Variants in DCAF5 observed in about 807,000 individuals in gnomAD.
The protein encoded by DCAF5 is DDB1- and CUL4-associated factor 5.
In DCAF5, 9 loss-of-function variants were observed where a neutral mutation model predicts 80.7. The observed-to-expected ratio is 0.11, with a 90% CI of 0.07 to 0.19. The LOEUF is 0.19. DCAF5 is among the 10% of genes least tolerant of loss of function. The probability of loss-of-function intolerance (pLI) is 1.00; values close to 1 mark genes in which losing one functional copy is unlikely to be tolerated. For missense variants in DCAF5, 842 were observed against 1,205.7 expected, an observed-to-expected ratio of 0.70 and a Z score of 4.47; for synonymous variants, 433 against 461.9, an observed-to-expected ratio of 0.94 and a Z score of 0.80.
intron 8 of DCAF5, among the ~76,000 whole-genome samples, chr14:69,061,740 G>A (rs1566721845): frequency 6.6e-6 from 1 of 152,218 alleles, no homozygotes; most frequent in Non-Finnish European, 1.5e-5. Flanking sequence ...CTAACCTCCA[G>A]ATGAGGTTTG....
At chr14:69,143,489 G>T (rs1448915544) in intron 1 of DCAF5, among the ~76,000 whole-genome samples, 1 of 148,678 alleles carries the variant, frequency 6.7e-6, no homozygotes, top group Non-Finnish European at 1.5e-5. Flanking sequence ...CACATGAAAT[G>T]CCCCCAAATA....
intron 1 of DCAF5, among the ~76,000 whole-genome samples, chr14:69,139,543 GTGCCTCATATC>G (rs984994601): frequency 6.6e-6 from 1 of 151,488 alleles, no homozygotes; most frequent in Non-Finnish European, 1.5e-5. Context: ...CTTGGGCATG[GTGCCTCATATC>G]TGTAATCCCA....
chr14:69,056,992 G>A (rs1372647830), intron 8 of DCAF5, among the ~76,000 whole-genome samples: 2 of 152,132 alleles, frequency 1.3e-5, no homozygotes, highest in Non-Finnish European at 1.5e-5. Context: ...AGTTTCAAGG[G>A]ATTGGTTTTC....
intron 7 of DCAF5, among the ~76,000 whole-genome samples, chr14:69,065,192 G>C (rs2038388027): frequency 6.9e-6 from 1 of 145,202 alleles, no homozygotes; most frequent in Non-Finnish European, 1.5e-5. Context: ...CCACCTCCCA[G>C]GTTCAAGCAA....
chr14:69,128,480 A>G (rs1595046753), intron 1 of DCAF5, among the ~76,000 whole-genome samples: 1 of 152,280 alleles, frequency 6.6e-6, no homozygotes, highest in East Asian at 1.9e-4. Context: ...GCCTGGCTGA[A>G]TATTTCCATA....
At chr14:69,074,403 G>T (rs2038819835) in intron 7 of DCAF5, among the ~76,000 whole-genome samples, 1 of 151,966 alleles carries the variant, frequency 6.6e-6, no homozygotes, top group Admixed American at 6.6e-5. Context: ...CTAAGAAAAA[G>T]AAAAGGGGGG....
intron 1 of DCAF5, among the ~76,000 whole-genome samples, chr14:69,150,351 G>C (rs898845231): frequency 5.9e-5 from 9 of 152,102 alleles, no homozygotes; most frequent in African/African-American, 2.2e-4. Flanking sequence ...ACCCAGAATC[G>C]AAAGGTCTGC....
intron 1 of DCAF5, among the ~76,000 whole-genome samples, chr14:69,129,351 C>T (rs2040970511): frequency 6.6e-6 from 1 of 152,166 alleles, no homozygotes; most frequent in Non-Finnish European, 1.5e-5. Flanking sequence ...GTATTAAGAG[C>T]CCTATGCAAA....
At chr14:69,085,136 C>T in intron 6 of DCAF5, 1 of 770,944 alleles carries the variant, frequency 1.3e-6, no homozygotes, top group Non-Finnish European at 2.4e-6. Context: ...ATAAATCATA[C>T]ATACAAACCT....
At chr14:69,100,712 AAC>A (rs1252637725) in intron 5 of DCAF5, among the ~76,000 whole-genome samples, 1 of 152,200 alleles carries the variant, frequency 6.6e-6, no homozygotes, top group African/African-American at 2.4e-5. Context: ...ACAGATTCAA[AAC>A]ACACAAGTAT....
In DCAF5 at chr14:69,125,825, T is replaced by C. The variant is rs537552716; in HGVS notation, c.215-3465A>G. On this transcript the variant is annotated intron_variant, in intron 1 of 8. Coordinates refer to ENST00000341516, the MANE Select transcript of DCAF5 (RefSeq NM_003861.3). The stretch of plus-strand genomic sequence containing the variant: ...AATAAAAGCAAGTTTCGAAAGGATA[T>C]GAAAGGGATAATATCTAAGCATGTA... 7.9e-5 allele frequency among the ~76,000 whole-genome samples: 12 copies of C among 152,242 alleles called. No homozygotes were observed. In the South Asian group the frequency reaches 2.5e-3, roughly 32 times the overall value.
chr14:69,074,437 G>T (rs1381474335), intron 7 of DCAF5, among the ~76,000 whole-genome samples: 1 of 152,144 alleles, frequency 6.6e-6, no homozygotes, highest in Non-Finnish European at 1.5e-5. Flanking sequence ...AAAGAATGAA[G>T]AGGTATGATC....
intron 5 of DCAF5, among the ~76,000 whole-genome samples, chr14:69,110,833 T>TGCC (rs1566763934): frequency 7.9e-6 from 1 of 126,676 alleles, no homozygotes; most frequent in African/African-American, 3.1e-5. Flanking sequence ...GCCATGATCA[T>TGCC]GCCACTGCAC....
In DCAF5 at chr14:69,091,286, G is replaced by C. The variant is rs1437993106; in HGVS notation, c.879+388C>G. 3 of 623,258 alleles carry C rather than the reference G, an allele frequency of 4.8e-6. No homozygotes were observed. The East Asian group carries it at 8.2e-5, about 17-fold the overall frequency. 38.6% of individuals were successfully genotyped at this position (623,258 alleles called of 1,614,324 possible). On this transcript the variant is annotated intron_variant, in intron 6 of 8. Coordinates refer to ENST00000341516, the MANE Select transcript of DCAF5 (RefSeq NM_003861.3). Reference sequence around the variant, plus strand: ...ATACATGTCTCTTGGATGGTACTTAGGGTGTTTCATTCATCATTGTGTTTT... The same window carrying C: ...ATACATGTCTCTTGGATGGTACTTACGGTGTTTCATTCATCATTGTGTTTT...
Position 69,152,722 on chromosome 14 carries a change from G to A in DCAF5, c.214+43C>T. The A allele has an allele frequency of 6.7e-7, 1 of 1,502,196 alleles. No individual in the cohort carries two copies. Among genetic ancestry groups the A allele is most frequent in the Admixed American group, 1.8e-5 (1 of 55,314 alleles). The allele number at this position is 1,502,196 out of a possible 1,614,324, so 93.1% of individuals were successfully genotyped here. On this transcript the variant is annotated intron_variant, in intron 1 of 8. Transcript: ENST00000341516. The surrounding 1 kb of genome is among the most constrained non-coding windows in gnomAD (Gnocchi z 4.1). ...GGGGAGAGCGAGAGGGGGAGGCTGGGAGGGTGCGGGGAGGCGCGGGGAGGG... is the reference window on the plus strand; with the variant it reads ...GGGGAGAGCGAGAGGGGGAGGCTGGAAGGGTGCGGGGAGGCGCGGGGAGGG...
In DCAF5 at chr14:69,151,639, C is replaced by T. The variant is rs373682064; in HGVS notation, c.214+1126G>A. ...AGGTTTCGGGGAGCCGCCCCCTAGC[C>T]CTCACGTAGGCCCATTCCCACCCGC... On this transcript the variant is annotated intron_variant, in intron 1 of 8. Transcript: ENST00000341516. Among the ~76,000 whole-genome samples, 10 of 152,286 alleles carry T rather than the reference C, an allele frequency of 6.6e-5. No individual in the cohort carries two copies. The East Asian group carries it at 1.9e-3, about 29-fold the overall frequency.
At chr14:69,078,423 T>C (rs2038978544) in intron 6 of DCAF5, among the ~76,000 whole-genome samples, 1 of 152,184 alleles carries the variant, frequency 6.6e-6, no homozygotes, top group Non-Finnish European at 1.5e-5. Context: ...GATAGAATTA[T>C]CATATGATCC....
At chr14:69,062,673 A>T (rs1232823318) in intron 7 of DCAF5, among the ~76,000 whole-genome samples, 162 bp from the exon 8 acceptor site, 4 of 152,248 alleles carry the variant, frequency 2.6e-5, no homozygotes, top group Non-Finnish European at 4.4e-5. Flanking sequence ...GAAAGAGAGA[A>T]GATGAAACAG....
intron 6 of DCAF5, among the ~76,000 whole-genome samples, chr14:69,076,025 G>T (rs12589028): frequency 0.31 from 46,896 of 151,750 alleles, 9,432 homozygotes; most frequent in East Asian, 0.9. Flanking sequence ...AGTAAGTATA[G>T]GAAAAGATGC....
Sources: allele counts gnomAD v4.1 joint callset (sites outside exome capture counted in the v4.1 genomes callset), GRCh38; gene constraint gnomAD v4.1.1; non-coding constraint Gnocchi (gnomAD v3.1); transcripts MANE v1.5; gene names NCBI Gene and HGNC (gene_info 2026-07-23, HGNC 2026-07-21).